Variants in NUBPL observed in about 807,000 individuals in gnomAD.
NUBPL encodes NUBP iron-sulfur cluster assembly factor, mitochondrial.
In NUBPL, 31 loss-of-function variants were observed where a neutral mutation model predicts 45.7. That is an observed-to-expected ratio of 0.68 (90% CI 0.51 to 0.92). The LOEUF (loss-of-function observed/expected upper bound fraction) is 0.92. Ranked by LOEUF, NUBPL falls within the 40% of genes least tolerant of loss-of-function variation. The pLI is 0.00. For missense variants in NUBPL, 401 were observed against 398.7 expected (o/e 1.01, Z -0.05); for synonymous variants, 144 against 140.9 (o/e 1.02, Z -0.15).
intron 6 of NUBPL, among the ~76,000 whole-genome samples, chr14:31,685,671 G>T (rs1032799314): frequency 6.6e-6 from 1 of 152,114 alleles, no homozygotes; most frequent in African/African-American, 2.4e-5. Context: ...TTTTGAAAAA[G>T]AAGTTCTTCC....
intron 7 of NUBPL, among the ~76,000 whole-genome samples, chr14:31,825,659 C>CT (rs376367976): frequency 0.016 from 1,532 of 93,970 alleles, 27 homozygotes; most frequent in African/African-American, 0.077. Context: ...TTCCTTTTTC[C>CT]TTTTCCTTTT....
At chr14:31,801,104 A>C (rs1285192733) in intron 7 of NUBPL, 2 of 152,324 alleles carry the variant, frequency 1.3e-5, no homozygotes, top group Non-Finnish European at 2.9e-5. Flanking sequence ...GAGCCATGGA[A>C]AAGGGGCTGC....
chr14:31,835,875 A>G (rs115269025), intron 8 of NUBPL, among the ~76,000 whole-genome samples: 2,240 of 152,326 alleles, frequency 0.015, 35 homozygotes, highest in African/African-American at 0.045. Context: ...TTCAGTTATT[A>G]TCATTCATTA....
intron 4 of NUBPL, among the ~76,000 whole-genome samples, chr14:31,660,286 C>T (rs1336374664): frequency 6.6e-6 from 1 of 152,144 alleles, no homozygotes; most frequent in Non-Finnish European, 1.5e-5. Context: ...GCATTGTAAA[C>T]CTCTCGTGGT....
intron 4 of NUBPL, among the ~76,000 whole-genome samples, chr14:31,601,088 G>C (rs1364986696): frequency 1.3e-5 from 2 of 152,196 alleles, no homozygotes; most frequent in South Asian, 4.2e-4. Context: ...ATTTCTGAGG[G>C]CTCTGTTCTG....
At chr14:31,675,879 TA>T (rs1303100354) in intron 6 of NUBPL, among the ~76,000 whole-genome samples, 1 of 152,226 alleles carries the variant, frequency 6.6e-6, no homozygotes, top group Non-Finnish European at 1.5e-5. Flanking sequence ...CCAATCAAAC[TA>T]AATAGCATTT....
chr14:31,668,682 G>T lies in NUBPL; in HGVS notation c.383-4673G>T, dbSNP rs533982752. ...GTGCTTGAAACCCAGGGCGCTGGTG[G>T]TGTAGGCACTTGAGGGAATCTCCTG... On this transcript the variant is annotated intron_variant, in intron 4 of 10. Transcript: ENST00000281081. Among the ~76,000 whole-genome samples, 65 of 152,320 alleles carry T rather than the reference G, an allele frequency of 4.3e-4. No homozygotes were observed. In the South Asian group the frequency reaches 0.013, roughly 30 times the overall value.
At chr14:31,576,952 C>T (rs1391126645) in intron 3 of NUBPL, among the ~76,000 whole-genome samples, 2 of 152,174 alleles carry the variant, frequency 1.3e-5, no homozygotes, top group Non-Finnish European at 2.9e-5. Context: ...TGTAATTGGA[C>T]TTACTTGGTG....
intron 4 of NUBPL, among the ~76,000 whole-genome samples, chr14:31,619,105 C>T (rs2034989993): frequency 6.6e-6 from 1 of 152,126 alleles, no homozygotes; most frequent in South Asian, 2.1e-4. Context: ...AGGATCGCAA[C>T]CCATGCTATT....
intron 8 of NUBPL, among the ~76,000 whole-genome samples, chr14:31,841,928 T>TTTTG (rs2040379923): frequency 1.6e-5 from 1 of 63,244 alleles, no homozygotes; most frequent in African/African-American, 4.5e-5. Context: ...TTTTTTTTTT[T>TTTTG]TTTTTTTTTT....
intron 8 of NUBPL, among the ~76,000 whole-genome samples, chr14:31,840,167 A>G (rs577337233): frequency 6.6e-6 from 1 of 152,358 alleles, no homozygotes; most frequent in South Asian, 2.1e-4. Context: ...TGTTTACTGC[A>G]GCACTATTCA....
intron 6 of NUBPL, 128 bp downstream of exon 6, chr14:31,673,702 T>C: frequency 5.0e-6 from 4 of 792,484 alleles, no homozygotes; most frequent in Non-Finnish European, 4.4e-6. Context: ...ATGCGTAATA[T>C]GGCACCTAAT....
At chr14:31,811,033 C>T (rs554401812) in intron 7 of NUBPL, among the ~76,000 whole-genome samples, 1 of 152,190 alleles carries the variant, frequency 6.6e-6, no homozygotes, top group African/African-American at 2.4e-5. Flanking sequence ...CGCCCTTTCT[C>T]TCTGGCTGCC....
intron 7 of NUBPL, among the ~76,000 whole-genome samples, chr14:31,816,198 C>T (rs887555184): frequency 6.6e-6 from 1 of 152,112 alleles, no homozygotes; most frequent in Non-Finnish European, 1.5e-5. Context: ...TTAACTACTG[C>T]CTCAGTTTCA....
At chr14:31,690,141 C>G (rs188147596) in intron 6 of NUBPL, among the ~76,000 whole-genome samples, 1 of 151,570 alleles carries the variant, frequency 6.6e-6, no homozygotes, top group Non-Finnish European at 1.5e-5. Flanking sequence ...GAGAAGTGAG[C>G]ACCAGGATTT....
At chr14:31,663,312 C>T (rs1032336674) in intron 4 of NUBPL, among the ~76,000 whole-genome samples, 5 of 152,172 alleles carry the variant, frequency 3.3e-5, no homozygotes, top group African/African-American at 1.2e-4. Flanking sequence ...GAAGTCTTTG[C>T]CCATGCCTAT....
chr14:31,705,783 A>G (rs2037436429), intron 6 of NUBPL, among the ~76,000 whole-genome samples: 1 of 152,054 alleles, frequency 6.6e-6, no homozygotes, highest in African/African-American at 2.4e-5. Flanking sequence ...TCACCTCTCA[A>G]TGGCAGTCGC....
intron 6 of NUBPL, among the ~76,000 whole-genome samples, chr14:31,749,276 A>C (rs2038469165): frequency 6.6e-6 from 1 of 151,794 alleles, no homozygotes; most frequent in African/African-American, 2.4e-5. Context: ...TCTCTTTTTC[A>C]GCTGTGTATC....
chr14:31,800,480 G>T (rs1430750896), intron 7 of NUBPL, among the ~76,000 whole-genome samples: 1 of 152,154 alleles, frequency 6.6e-6, no homozygotes, highest in Non-Finnish European at 1.5e-5. Flanking sequence ...TTGAAATATT[G>T]CAAGAATTAC....
Sources: gnomAD v4.1 joint callset for allele counts (sites outside exome capture counted in the v4.1 genomes callset) on GRCh38, gnomAD v4.1.1 for gene constraint, MANE v1.5 for transcripts, NCBI Gene and HGNC (gene_info 2026-07-23, HGNC 2026-07-21) for gene names.